The following TSPAN4 variants were observed in gnomAD, a reference collection of about 807,000 sequenced individuals.
TSPAN4 encodes tetraspanin-4.
A neutral mutation model predicts 31.5 loss-of-function variants in TSPAN4; 38 were observed. That is an observed-to-expected ratio of 1.21 (90% CI 0.93 to 1.58). The LOEUF is 1.58. TSPAN4 is among the 40% of genes most tolerant of loss of function. TSPAN4 has a pLI of 0.00. For missense variants in TSPAN4, 330 were observed against 317.3 expected, an observed-to-expected ratio of 1.04 and a Z score of -0.30; for synonymous variants, 186 against 144.6, an observed-to-expected ratio of 1.29 and a Z score of -2.06.
intron 3 of TSPAN4, among the ~76,000 whole-genome samples, chr11:850,997 C>T (rs905175105): frequency 6.6e-6 from 1 of 152,252 alleles, no homozygotes; most frequent in Admixed American, 6.5e-5. Context: ...CAGAGGCTTC[C>T]CTAACTTTTG....
intron 3 of TSPAN4, 111 bp downstream of exon 3, chr11:850,478 G>A: frequency 2.1e-6 from 2 of 932,468 alleles, no homozygotes; most frequent in Non-Finnish European, 3.3e-6. Flanking sequence ...GTTGGGTGCG[G>A]TTGTGGGGAT....
At chr11:857,563 C>T (rs1207004038) in intron 3 of TSPAN4, 1 of 152,246 alleles carries the variant, frequency 6.6e-6, no homozygotes, top group Non-Finnish European at 1.5e-5. Flanking sequence ...CCACCACGCC[C>T]AGCTAATTTT....
chr11:850,616 C>G (rs1015325606), intron 3 of TSPAN4, among the ~76,000 whole-genome samples: 1 of 150,718 alleles, frequency 6.6e-6, no homozygotes, highest in East Asian at 1.9e-4. Flanking sequence ...GGTCCCCTCT[C>G]CTCTCCTCTC....
intron 3 of TSPAN4, among the ~76,000 whole-genome samples, chr11:855,335 G>C (rs1421664760): frequency 4.6e-5 from 7 of 152,338 alleles, no homozygotes; most frequent in Non-Finnish European, 2.9e-5. Flanking sequence ...GCGCTTGTGC[G>C]ATGTGAGCCG....
In TSPAN4 at chr11:866,617, C is replaced by A. The variant is rs759073788; in HGVS notation, c.704C>A (p.Thr235Asn). The A allele has an allele frequency of 2.5e-6, 4 of 1,612,948 alleles. No homozygotes were observed. In the African/African-American group the frequency reaches 4.0e-5, roughly 16 times the overall value. ...TMYCQVVKAD[T>N]YCA ...TACTGCCAAGTGGTCAAGGCAGACA[C>A]CTACTGCGCGTAGGCCGCCCACCGC... is the stretch of plus-strand genomic sequence containing the variant. The change falls in exon 9 of 9, where the codon ACC (threonine) becomes AAC (asparagine). Residue 235 changes from threonine (T) to asparagine (N), a missense_variant. Thr to Asn is a moderately conservative substitution (Grantham distance 65, BLOSUM62 0). Transcript: ENST00000397397.
chr11:866,224 T>C (rs908554359), intron 8 of TSPAN4, among the ~76,000 whole-genome samples: 3 of 150,718 alleles, frequency 2.0e-5, no homozygotes, highest in African/African-American at 2.4e-5. Flanking sequence ...TGGAGGCCGG[T>C]GGTCGTCCAT....
Position 864,442 on chromosome 11 carries a change from C to CCTGCTG in TSPAN4, c.271_276dup (p.Leu91_Leu92dup). ...TGAGCCTGCCCCCTCCACAGTTCTTCCTGCTGCTGCTGCTGGTGTTCCTGC... is the reference window on the plus strand; with the variant it reads ...TGAGCCTGCCCCCTCCACAGTTCTTCCTGCTGCTGCTGCTGCTGCTGGTGTTCCTGC... On this transcript the variant is annotated inframe_insertion, in exon 5 of 9. Coordinates refer to ENST00000397397, the MANE Select transcript of TSPAN4 (RefSeq NM_003271.5). 1.2e-6 allele frequency: 2 copies of CCTGCTG among 1,611,506 alleles called. No individual in the cohort carries two copies. Among genetic ancestry groups the CCTGCTG allele is most frequent in the African/African-American group, 1.3e-5 (1 of 75,030 alleles).
At chr11:846,815 C>G (rs1847347954) in intron 1 of TSPAN4, among the ~76,000 whole-genome samples, 1 of 152,190 alleles carries the variant, frequency 6.6e-6, no homozygotes, top group Non-Finnish European at 1.5e-5. Flanking sequence ...GGAGGAGGCA[C>G]TGCTGCGTGT....
rs368371880 is a variant in TSPAN4, at chr11:862,670, G to A, written c.184G>A (p.Ala62Thr). ...SAANLLIITG[A>T]FVMAIGFVGC... ...TGCCAACTTGCTCATCATCACCGGC[G>A]CCTTTGTCATGGCCATCGGCTTCGT... The change falls in exon 4 of 9, where the codon GCC becomes ACC. Residue 62 changes from alanine (A) to threonine (T), a missense_variant. Physicochemically the swap from Ala to Thr is moderately conservative, Grantham distance 58. Coordinates refer to ENST00000397397, the MANE Select transcript of TSPAN4 (RefSeq NM_003271.5). 2.4e-5 allele frequency: 39 copies of A among 1,613,170 alleles called. No homozygotes were observed. The highest frequency in any genetic ancestry group is 3.3e-5 in the Admixed American group (2 of 59,984).
intron 4 of TSPAN4, chr11:864,159 G>A (rs1286032141): frequency 1.8e-6 from 1 of 543,994 alleles, no homozygotes; most frequent in Non-Finnish European, 3.3e-6. Flanking sequence ...GGGGGTGTCT[G>A]GGTTGCCCCA....
chr11:852,357 C>T (rs1847801306), intron 3 of TSPAN4, among the ~76,000 whole-genome samples: 1 of 152,080 alleles, frequency 6.6e-6, no homozygotes. Context: ...CTCCTGACCT[C>T]GTGATCCGCC....
chr11:857,388 C>G (rs1214098231), intron 3 of TSPAN4: 1 of 141,714 alleles, frequency 7.1e-6, no homozygotes, highest in Non-Finnish European at 1.5e-5. Context: ...GCAGATGGAG[C>G]AGGCAGTTTG....
At chr11:859,548 C>T (rs1848327367) in intron 3 of TSPAN4, 2 of 147,366 alleles carry the variant, frequency 1.4e-5, no homozygotes, top group African/African-American at 5.3e-5. Flanking sequence ...CACATGCACT[C>T]CGGCTCACAC....
intron 4 of TSPAN4, chr11:863,267 T>C (rs1009439571): frequency 1.3e-5 from 2 of 152,394 alleles, no homozygotes; most frequent in South Asian, 2.1e-4. Flanking sequence ...TCACAGATAA[T>C]TAAAAAGGAA....
intron 8 of TSPAN4, among the ~76,000 whole-genome samples, 156 bp from the exon 9 acceptor site, chr11:866,406 G>A (rs115890524): frequency 1.4e-3 from 206 of 152,134 alleles, no homozygotes; most frequent in African/African-American, 4.2e-3. Flanking sequence ...TGGGTGGGGC[G>A]TGCAAGCCAC....
chr11:854,259 AC>A (rs1847920768), intron 3 of TSPAN4, among the ~76,000 whole-genome samples: 1 of 152,124 alleles, frequency 6.6e-6, no homozygotes, highest in Non-Finnish European at 1.5e-5. Context: ...CACCCGCAGC[AC>A]CAGGAGCTTG....
At chr11:864,208 G>A (rs1848635720) in intron 4 of TSPAN4, 2 of 600,730 alleles carry the variant, frequency 3.3e-6, no homozygotes, top group Non-Finnish European at 5.9e-6. Flanking sequence ...GCCAGCCCAG[G>A]GCCCCACACT....
At chr11:857,773 C>T (rs1848146452) in intron 3 of TSPAN4, 1 of 152,272 alleles carries the variant, frequency 6.6e-6, no homozygotes, top group African/African-American at 2.4e-5. Flanking sequence ...GACCTTCACC[C>T]CCAGCCTGGG....
intron 3 of TSPAN4, among the ~76,000 whole-genome samples, chr11:853,272 C>G (rs914716433): frequency 2.0e-5 from 3 of 152,312 alleles, no homozygotes; most frequent in African/African-American, 7.2e-5. Flanking sequence ...ACCTTTGCCT[C>G]CATGTTCTCC....
Sources: gnomAD v4.1 joint callset for allele counts (sites outside exome capture counted in the v4.1 genomes callset) on GRCh38, gnomAD v4.1.1 for gene constraint, MANE v1.5 for transcripts, NCBI Gene and HGNC (gene_info 2026-07-23, HGNC 2026-07-21) for gene names.